ROCK2: variants seen among roughly 807,000 people sequenced by gnomAD.
ROCK2 encodes the protein rho-associated protein kinase 2.
ROCK2 carries 61 observed loss-of-function variants against 195.1 expected under a neutral mutation model. The observed-to-expected ratio is 0.31, with a 90% CI of 0.25 to 0.39. The LOEUF (loss-of-function observed/expected upper bound fraction) is 0.39. Among genes scored for constraint, ROCK2 ranks in the 10% least tolerant of loss-of-function variants. The pLI, the probability that ROCK2 is intolerant of heterozygous loss-of-function variation, is 1.00. For synonymous variants in ROCK2, 504 were observed against 545.5 expected, an observed-to-expected ratio of 0.92 and a Z score of 1.06; for missense variants, 1,109 against 1,637.4, an observed-to-expected ratio of 0.68 and a Z score of 5.57.
At chr2:11,224,033 A>T (rs532641036) in intron 7 of ROCK2, among the ~76,000 whole-genome samples, 112 of 152,338 alleles carry the variant, frequency 7.4e-4, no homozygotes, top group Non-Finnish European at 5.9e-4. Flanking sequence ...TAAAATGTGA[A>T]CAACACGAAA....
chr2:11,242,722 A>G (rs564026021), intron 4 of ROCK2, among the ~76,000 whole-genome samples: 3 of 152,226 alleles, frequency 2.0e-5, no homozygotes, highest in Non-Finnish European at 2.9e-5. Context: ...TTACAATACT[A>G]AACTCCCCAC....
At chr2:11,238,957 G>T (rs1665326259) in intron 4 of ROCK2, among the ~76,000 whole-genome samples, 1 of 151,602 alleles carries the variant, frequency 6.6e-6, no homozygotes, top group African/African-American at 2.4e-5. Context: ...AGGTGCCAGG[G>T]CAATTTAATG....
chr2:11,254,903 A>G (rs1169956606), intron 3 of ROCK2, among the ~76,000 whole-genome samples: 1 of 151,892 alleles, frequency 6.6e-6, no homozygotes, highest in Non-Finnish European at 1.5e-5. Flanking sequence ...CACAGTTTGG[A>G]GGTTGTACCC....
Position 11,235,163 on chromosome 2 carries a change from G to A in ROCK2, c.723+539C>T, listed in dbSNP as rs1013399642. On this transcript the variant is annotated intron_variant, in intron 5 of 32. Transcript: ENST00000315872. The surrounding 1 kb of genome is among the most constrained non-coding windows in gnomAD (Gnocchi z 4.2). ...ATAAATCAGTATCATAATTAGCTAC[G>A]AGGTTAATGCCACTGAACCTATCAA... 3.3e-5 allele frequency among the ~76,000 whole-genome samples: 5 copies of A among 152,094 alleles called. No homozygotes were observed. Among genetic ancestry groups the A allele is most frequent in the African/African-American group, 1.2e-4 (5 of 41,440 alleles).
chr2:11,185,771 TAAA>T (rs11408661), intron 32 of ROCK2, among the ~76,000 whole-genome samples: 2 of 151,010 alleles, frequency 1.3e-5, no homozygotes, highest in Admixed American at 6.6e-5. Context: ...AAATAAATAA[TAAA>T]AAAAAGCAGT....
chr2:11,201,382 T>G lies in ROCK2; in HGVS notation c.2651A>C (p.Lys884Thr), dbSNP rs771593782. Residue 884 changes from lysine to threonine, a missense_variant, in exon 22 of 33, where the codon AAA (lysine) becomes ACA (threonine). Physicochemically the swap from Lys to Thr is moderately conservative, Grantham distance 78. Coordinates refer to ENST00000315872, the MANE Select transcript of ROCK2 (RefSeq NM_004850.5). The surrounding 1 kb of genome is among the most constrained non-coding windows in gnomAD (Gnocchi z 4.6). The stretch of plus-strand genomic sequence containing the variant: ...TTTGGTCTTTTCTTCACATTCTTCT[T>G]TAAGCTCCCTAACTTGTGTTTTATA... Reference protein sequence around the residue: ...TLYKTQVRELKEECEEKTKLG... With the variant: ...TLYKTQVRELTEECEEKTKLG... The G allele has an allele frequency of 6.2e-7, 1 of 1,611,068 alleles. No homozygotes were observed. The highest frequency in any genetic ancestry group is 8.5e-7 in the Non-Finnish European group (1 of 1,177,552).
chr2:11,312,246 C>T (rs1429295536), intron 1 of ROCK2, among the ~76,000 whole-genome samples: 1 of 152,070 alleles, frequency 6.6e-6, no homozygotes, highest in Non-Finnish European at 1.5e-5. Flanking sequence ...CTTTTAAACT[C>T]TAAGCTTCGT....
chr2:11,235,710 T>C lies in ROCK2; in HGVS notation c.715A>G (p.Met239Val). The C allele has an allele frequency of 3.1e-6, 5 of 1,609,074 alleles. No homozygotes were observed. The highest frequency in any genetic ancestry group is 2.2e-5 in the East Asian group (1 of 44,800). ...KLADFGTCMKMDETGMVHCDT... is the reference protein window; with the variant it reads ...KLADFGTCMKVDETGMVHCDT... ...ATAATTTGCTTACTTACTTCATCCA[T>C]CTTCATACACGTGCCAAAATCTGCT... Residue 239 changes from methionine (M) to valine (V), a missense_variant, in exon 5 of 33, where the codon ATG becomes GTG. Met to Val is a conservative substitution (Grantham distance 21). This residue lies in a region of ROCK2 where 253 missense variants were observed against 455.5 expected (regional missense o/e 0.56). Transcript: ENST00000315872. This position sits in a 1 kb window ranked among gnomAD's most constrained non-coding sequence, Gnocchi z 4.2.
At chr2:11,296,983 A>C (rs1667555360) in intron 1 of ROCK2, among the ~76,000 whole-genome samples, 1 of 152,166 alleles carries the variant, frequency 6.6e-6, no homozygotes, top group African/African-American at 2.4e-5. Context: ...CATTTTATTT[A>C]AGACAGTTAA....
chr2:11,264,560 A>G (rs1666348968), intron 3 of ROCK2, among the ~76,000 whole-genome samples: 1 of 152,188 alleles, frequency 6.6e-6, no homozygotes, highest in South Asian at 2.1e-4. Flanking sequence ...GAGATCTATG[A>G]CACATCTTCA....
At chr2:11,183,885 T>C (rs7582004) in intron 32 of ROCK2, among the ~76,000 whole-genome samples, 2 of 152,218 alleles carry the variant, frequency 1.3e-5, no homozygotes, top group Non-Finnish European at 2.9e-5. Context: ...AACTACATTG[T>C]TGTAGTAAAT....
intron 6 of ROCK2, among the ~76,000 whole-genome samples, chr2:11,226,063 T>G (rs1664801480): frequency 2.0e-5 from 3 of 152,234 alleles, no homozygotes; most frequent in Non-Finnish European, 4.4e-5. Flanking sequence ...TTTAGGCTCA[T>G]CTTTTAGAAA....
chr2:11,303,287 C>A (rs1389739023), intron 1 of ROCK2, among the ~76,000 whole-genome samples: 1 of 152,216 alleles, frequency 6.6e-6, no homozygotes, highest in African/African-American at 2.4e-5. Context: ...CACAGCTTAT[C>A]TCACATCTAT....
intron 3 of ROCK2, among the ~76,000 whole-genome samples, chr2:11,267,736 C>A (rs7596720): frequency 0.023 from 3,398 of 147,900 alleles, 158 homozygotes; most frequent in African/African-American, 0.081. Context: ...GAGTCTCACC[C>A]TGTCACCCAG....
intron 32 of ROCK2, among the ~76,000 whole-genome samples, chr2:11,189,799 T>C (rs544383361): frequency 1.1e-4 from 17 of 151,210 alleles, no homozygotes; most frequent in Admixed American, 2.0e-4. Context: ...CTGGGCAACA[T>C]AGGGAGACCC....
rs922436482 is a variant in ROCK2 at position 11,256,770 on chromosome 2, G to A, written c.325-6972C>T. Among the ~76,000 whole-genome samples the A allele has an allele frequency of 4.2e-4, 64 of 151,242 alleles. 3 individuals carry two copies. The highest frequency in any genetic ancestry group is 1.2e-3 in the African/African-American group (50 of 40,678). The stretch of plus-strand genomic sequence containing the variant: ...TTAGATAAAAGGGGTAATCCATTAC[G>A]GAGGCATAACCATTCTAATTACGTA... On this transcript the variant is annotated intron_variant, in intron 3 of 32. Coordinates refer to ENST00000315872, the MANE Select transcript of ROCK2 (RefSeq NM_004850.5).
Position 11,249,666 on chromosome 2 carries a change from C to A in ROCK2, c.457G>T (p.Val153Phe). 2 of 1,499,162 alleles carry A rather than the reference C, an allele frequency of 1.3e-6. No homozygotes were observed. The highest frequency in any genetic ancestry group is 1.8e-6 in the Non-Finnish European group (2 of 1,129,388). 92.9% of individuals were successfully genotyped at this position (1,499,162 alleles called of 1,614,324 possible). Reference protein sequence around the residue: ...IMAFANSPWVVQLFYAFQDDR... With the variant: ...IMAFANSPWVFQLFYAFQDDR... Reference sequence around the variant, plus strand: ...ATAAAAGTTAGTATGCTTACCTGAACCACCCAGGGGCTATTGGCAAAGGCC... The same window carrying A: ...ATAAAAGTTAGTATGCTTACCTGAAACACCCAGGGGCTATTGGCAAAGGCC... Residue 153 changes from valine to phenylalanine, a missense_variant, in exon 4 of 33, where the codon GTT (valine) becomes TTT (phenylalanine). By Grantham distance (50) the Val-to-Phe change is conservative. Transcript: ENST00000315872.
In ROCK2 at chr2:11,201,974, A is replaced by G. The variant is rs1220021887; in HGVS notation, c.2619+78T>C. ...TCTTTTGCCCAGCTGCTCTTTTTAT[A>G]TGAGTTGTATGGTATAAATAAAATA... On this transcript the variant is annotated intron_variant, in intron 21 of 32. Transcript: ENST00000315872. This position sits in a 1 kb window ranked among gnomAD's most constrained non-coding sequence, Gnocchi z 4.6. 1.9e-6 allele frequency: 2 copies of G among 1,033,990 alleles called. No individual in the cohort carries two copies. Among genetic ancestry groups the G allele is most frequent in the Non-Finnish European group, 3.0e-6 (2 of 659,676 alleles). 64.1% of individuals were successfully genotyped at this position (1,033,990 alleles called of 1,614,324 possible).
At chr2:11,296,858 AGGTACT>A (rs1308820501) in intron 1 of ROCK2, among the ~76,000 whole-genome samples, 217 of 152,284 alleles carry the variant, frequency 1.4e-3, no homozygotes, top group African/African-American at 5.0e-3. Context: ...AACAAAGGTT[AGGTACT>A]AGTCACTGTA....
Sources: allele counts gnomAD v4.1 joint callset (sites outside exome capture counted in the v4.1 genomes callset), GRCh38; gene constraint gnomAD v4.1.1; regional missense constraint gnomAD v4.1.1; non-coding constraint Gnocchi (gnomAD v3.1); transcripts MANE v1.5; gene names NCBI Gene and HGNC (gene_info 2026-07-23, HGNC 2026-07-21).